Variants in PAPPA2 observed in about 807,000 individuals in gnomAD.
The protein encoded by PAPPA2 is pappalysin 2, also known as pappalysin-2.
A neutral mutation model predicts 176.4 loss-of-function variants in PAPPA2; 86 were observed. The ratio of observed to expected loss-of-function variants is 0.49; its 90% CI spans 0.41 to 0.58. The LOEUF is 0.58. PAPPA2 is among the 20% of genes least tolerant of loss of function. The pLI is 0.00. For synonymous variants in PAPPA2, 809 were observed against 852.2 expected (o/e 0.95, Z 0.88); for missense variants, 2,073 against 2,256.9 (o/e 0.92, Z 1.65).
At chr1:176,674,444 A>C (rs1044713598) in intron 4 of PAPPA2, among the ~76,000 whole-genome samples, 13 of 152,052 alleles carry the variant, frequency 8.5e-5, no homozygotes, top group Admixed American at 2.0e-4. Flanking sequence ...CCAAAGTTCT[A>C]TTGTATCATT....
intron 20 of PAPPA2, among the ~76,000 whole-genome samples, chr1:176,796,249 A>G (rs1378383834): frequency 6.6e-6 from 1 of 152,196 alleles, no homozygotes; most frequent in African/African-American, 2.4e-5. Context: ...GAGAGTAGAC[A>G]AGAGCGTCTT....
chr1:176,495,099 T>C (rs187086854), intron 1 of PAPPA2, among the ~76,000 whole-genome samples: 55 of 152,304 alleles, frequency 3.6e-4, no homozygotes, highest in African/African-American at 1.3e-3. Flanking sequence ...TGAATACTTA[T>C]TGGATGAATG....
chr1:176,549,460 G>A (rs1232988109), intron 1 of PAPPA2, among the ~76,000 whole-genome samples: 1 of 152,228 alleles, frequency 6.6e-6, no homozygotes, highest in Non-Finnish European at 1.5e-5. Context: ...AGGGAACTTA[G>A]AGGTCTTCTA....
chr1:176,796,127 A>G (rs1400324133), intron 20 of PAPPA2, among the ~76,000 whole-genome samples: 2 of 152,182 alleles, frequency 1.3e-5, no homozygotes, highest in Non-Finnish European at 2.9e-5. Flanking sequence ...CTCCAGTGAC[A>G]CTGGCTGCAG....
intron 3 of PAPPA2, among the ~76,000 whole-genome samples, chr1:176,609,365 C>G (rs1209481517): frequency 6.6e-6 from 1 of 152,116 alleles, no homozygotes. Context: ...ATGGAGCTTA[C>G]AGTCTATGAA....
intron 2 of PAPPA2, 124 bp from the exon 3 acceptor site, chr1:176,594,400 C>A: frequency 2.5e-6 from 2 of 789,558 alleles, no homozygotes; most frequent in Non-Finnish European, 4.0e-6. Flanking sequence ...AAATCTGTGT[C>A]GCTTACTTTA....
At chr1:176,797,675 GA>G (rs2102946254) in intron 20 of PAPPA2, among the ~76,000 whole-genome samples, 1 of 151,644 alleles carries the variant, frequency 6.6e-6, no homozygotes, top group African/African-American at 2.4e-5. Flanking sequence ...AATAATAAAA[GA>G]AAAGAAAATT....
chr1:176,729,239 C>T (rs1662019794), intron 12 of PAPPA2, among the ~76,000 whole-genome samples: 1 of 151,994 alleles, frequency 6.6e-6, no homozygotes. Context: ...TCTGTTAAAG[C>T]ATCCACCCTT....
At position 176,595,134 on chromosome 1, in the gene PAPPA2, C is replaced by T. The variant is rs1344792261; in HGVS notation, c.1530C>T (p.Ile510=). 4.3e-6 allele frequency: 7 copies of T among 1,614,100 alleles called. No homozygotes were observed. The highest frequency in any genetic ancestry group is 5.9e-6 in the Non-Finnish European group (7 of 1,180,046). Residue 510 remains isoleucine, a synonymous_variant, in exon 3 of 23, where the codon ATC becomes ATT. Transcript: ENST00000367662. Reference sequence around the variant, plus strand: ...CAGTCTGTGACAATGTGGAATTGATCTCCCAGTACAATGGATACTGGCCCC... The same window carrying T: ...CAGTCTGTGACAATGTGGAATTGATTTCCCAGTACAATGGATACTGGCCCC... ...GQTVCDNVEL[I]SQYNGYWPLR...
intron 4 of PAPPA2, among the ~76,000 whole-genome samples, chr1:176,689,061 G>A (rs1027098672): frequency 1.3e-5 from 2 of 152,176 alleles, no homozygotes; most frequent in Non-Finnish European, 2.9e-5. Context: ...AGGGCCAGCT[G>A]GGCAGCACAG....
intron 17 of PAPPA2, among the ~76,000 whole-genome samples, chr1:176,784,962 G>T (rs1160153024): frequency 6.6e-6 from 1 of 152,100 alleles, no homozygotes; most frequent in Admixed American, 6.6e-5. Context: ...TCTCATGAGG[G>T]CATTGGGAGG....
chr1:176,633,970 T>G (rs565145313), intron 3 of PAPPA2, among the ~76,000 whole-genome samples: 24 of 152,228 alleles, frequency 1.6e-4, no homozygotes, highest in African/African-American at 5.8e-4. Flanking sequence ...TGTGGAGAAA[T>G]AGGAACACTT....
At chr1:176,634,715 T>C (rs1656561796) in intron 3 of PAPPA2, among the ~76,000 whole-genome samples, 1 of 151,904 alleles carries the variant, frequency 6.6e-6, no homozygotes, top group Non-Finnish European at 1.5e-5. Flanking sequence ...ATGTCTGTAG[T>C]CTGGGAAAAG....
At chr1:176,713,181 G>A (rs986921049) in intron 12 of PAPPA2, among the ~76,000 whole-genome samples, 3 of 150,522 alleles carry the variant, frequency 2.0e-5, no homozygotes, top group African/African-American at 2.4e-5. Context: ...TAAGAGGCAG[G>A]GTCTCGCTCT....
chr1:176,633,925 T>TC (rs1656503282), intron 3 of PAPPA2, among the ~76,000 whole-genome samples: 1 of 152,140 alleles, frequency 6.6e-6, no homozygotes, highest in Non-Finnish European at 1.5e-5. Context: ...ATGGCGATCA[T>TC]TAAAAAGTCA....
At chr1:176,602,560 T>C (rs1194615327) in intron 3 of PAPPA2, among the ~76,000 whole-genome samples, 2 of 152,104 alleles carry the variant, frequency 1.3e-5, no homozygotes, top group Non-Finnish European at 2.9e-5. Context: ...GGCTGGTCTG[T>C]TAAACATCAG....
intron 2 of PAPPA2, among the ~76,000 whole-genome samples, chr1:176,568,646 G>A (rs1652128457): frequency 6.6e-6 from 1 of 152,114 alleles, no homozygotes; most frequent in Admixed American, 6.5e-5. Context: ...TCTCAGCAAA[G>A]GGCCAAGAAC....
intron 12 of PAPPA2, among the ~76,000 whole-genome samples, chr1:176,732,523 G>T (rs968040129): frequency 6.6e-6 from 1 of 152,294 alleles, no homozygotes; most frequent in Admixed American, 6.5e-5. Flanking sequence ...TATGGTGAAT[G>T]AAAGTATTAC....
At chr1:176,640,255 A>G (rs1656992170) in intron 3 of PAPPA2, among the ~76,000 whole-genome samples, 1 of 151,432 alleles carries the variant, frequency 6.6e-6, no homozygotes, top group Non-Finnish European at 1.5e-5. Context: ...GGTTAGTCAC[A>G]TATGTATACG....
Sources: allele counts gnomAD v4.1 joint callset (sites outside exome capture counted in the v4.1 genomes callset), GRCh38; gene constraint gnomAD v4.1.1; transcripts MANE v1.5; gene names NCBI Gene and HGNC (gene_info 2026-07-23, HGNC 2026-07-21).